The following STXBP4 variants were observed in gnomAD, a reference collection of about 807,000 sequenced individuals.
STXBP4 encodes the protein syntaxin binding protein 4, also known as syntaxin-binding protein 4.
STXBP4 carries 55 observed loss-of-function variants against 76.1 expected under a neutral mutation model. The ratio of observed to expected loss-of-function variants is 0.72; its 90% confidence interval spans 0.58 to 0.91. STXBP4 has a LOEUF of 0.91. Among genes scored for constraint, STXBP4 ranks in the 40% least tolerant of loss-of-function variants. The pLI is 0.00. For missense variants in STXBP4, 618 were observed against 636.9 expected, an observed-to-expected ratio of 0.97 and a Z score of 0.32; for synonymous variants, 201 against 220.2, an observed-to-expected ratio of 0.91 and a Z score of 0.77.
chr17:55,038,817 T>C (rs1367202307), intron 10 of STXBP4, among the ~76,000 whole-genome samples: 2 of 152,088 alleles, frequency 1.3e-5, no homozygotes, highest in African/African-American at 4.8e-5. Context: ...TTCCCTAAAA[T>C]AGATTTTTCA....
intron 12 of STXBP4, among the ~76,000 whole-genome samples, chr17:55,048,957 T>C (rs2078825516): frequency 6.6e-6 from 1 of 151,970 alleles, no homozygotes; most frequent in African/African-American, 2.4e-5. Flanking sequence ...CAATATATTC[T>C]AGTAAAATTA....
Position 55,072,958 on chromosome 17 carries a change from A to G in STXBP4, c.1070A>G (p.Glu357Gly), listed in dbSNP as rs1269025737. 3.1e-6 allele frequency: 5 copies of G among 1,613,856 alleles called. No individual in the cohort carries two copies. The highest frequency in any genetic ancestry group is 4.2e-6 in the Non-Finnish European group (5 of 1,179,926). Residue 357 changes from glutamate to glycine, a missense_variant, in exon 13 of 18, where the codon GAA becomes GGA. Coordinates refer to ENST00000376352, the MANE Select transcript of STXBP4 (RefSeq NM_178509.6). ...RALRSRIHLA[E>G]AAQRQAHGME... ...CTGCGTAGTCGGATTCATCTTGCTG[A>G]AGCTGCTCAGAGACAGGCACATGGA...
Position 55,043,310 on chromosome 17 carries a change from A to T in STXBP4, c.930A>T (p.Glu310Asp), listed in dbSNP as rs966651982. ...LKCERDDALK[E>D]VNTLKEKLLE... The stretch of plus-strand genomic sequence containing the variant: ...GTGAAAGAGATGATGCCTTGAAAGA[A>T]GTAAATACACTTAAGGTAACCTCTA... The change falls in exon 11 of 18, where the codon GAA (glutamate) becomes GAT (aspartate). Residue 310 changes from glutamate to aspartate, a missense_variant. Transcript: ENST00000376352. The T allele has an allele frequency of 1.6e-5, 25 of 1,519,102 alleles. No individual in the cohort carries two copies. The East Asian group carries it at 6.0e-4, about 36-fold the overall frequency. The allele number at this position is 1,519,102 out of a possible 1,614,324, so 94.1% of individuals were successfully genotyped here.
intron 1 of STXBP4, among the ~76,000 whole-genome samples, chr17:54,971,392 G>C (rs1043122380): frequency 1.6e-4 from 25 of 152,192 alleles, no homozygotes; most frequent in African/African-American, 6.0e-4. Context: ...TCACTTCCTG[G>C]TGAGGGGTCT....
chr17:55,043,691 A>G (rs939130717), intron 11 of STXBP4: 54 of 1,527,426 alleles, frequency 3.5e-5, no homozygotes, highest in Non-Finnish European at 3.9e-5. Flanking sequence ...TGGGAAATAC[A>G]TTTTTTTTCA....
At chr17:55,090,851 G>GTC (rs1411493631) in intron 16 of STXBP4, among the ~76,000 whole-genome samples, 136 of 7,044 alleles carry the variant, frequency 0.019, 1 homozygote, top group Middle Eastern at 0.14. Flanking sequence ...GTGTGTGTGT[G>GTC]TGTCTGTGTG....
At chr17:55,185,655 G>A in the STXBP4 span, among the ~76,000 whole-genome samples, 288 of 152,222 alleles carry the variant, frequency 1.9e-3, 1 homozygote, top group African/African-American at 5.7e-3. Context: ...GTCAAAGACC[G>A]GAGTGGAGAG....
the STXBP4 span, among the ~76,000 whole-genome samples, chr17:55,197,469 C>T: frequency 1.5e-4 from 23 of 152,262 alleles, no homozygotes; most frequent in South Asian, 2.1e-4. Flanking sequence ...AGTGGCCAGG[C>T]GCTGTGGCTC....
rs1341558157 is a variant in STXBP4, at chr17:55,172,159, T to A, written c.*12248T>A. On this transcript the variant is annotated 3_prime_UTR_variant, in exon 18 of 18. Transcript: ENST00000376352. ...ATCTGGGTTAGTAGTAAGAACAAAC[T>A]TCCAAGTGGCACCATCTTAAAGGTG... The A allele has an allele frequency of 6.6e-6, 1 of 152,200 alleles. No individual in the cohort carries two copies. Among genetic ancestry groups the A allele is most frequent in the African/African-American group, 2.4e-5 (1 of 41,440 alleles). The allele number at this position is 152,200 out of a possible 1,614,324, so 9.4% of individuals were successfully genotyped here.
At chr17:55,206,197 A>G in the STXBP4 span, among the ~76,000 whole-genome samples, 2 of 152,028 alleles carry the variant, frequency 1.3e-5, no homozygotes, top group African/African-American at 4.8e-5. Flanking sequence ...ACATATATAT[A>G]TTGTGTATGT....
intron 10 of STXBP4, among the ~76,000 whole-genome samples, chr17:55,037,865 A>T (rs1020096097): frequency 6.6e-6 from 1 of 152,200 alleles, no homozygotes; most frequent in African/African-American, 2.4e-5. Flanking sequence ...AAACATTATA[A>T]AAATCACAAT....
At chr17:54,980,376 G>C (rs1401669148) in intron 1 of STXBP4, among the ~76,000 whole-genome samples, 2 of 152,174 alleles carry the variant, frequency 1.3e-5, no homozygotes, top group Non-Finnish European at 2.9e-5. Flanking sequence ...GCAGGGTCTT[G>C]ACTACAAGTC....
rs554497500 is a variant in STXBP4, at chr17:55,095,035, A to T, written c.1489+13852A>T. On this transcript the variant is annotated intron_variant, in intron 16 of 17. Coordinates refer to ENST00000376352, the MANE Select transcript of STXBP4 (RefSeq NM_178509.6). The stretch of plus-strand genomic sequence containing the variant: ...ATGAAGGCACAGCTAGACAAGCAAG[A>T]CTTAATTCTCACTACAGGCAGGAAT... Among the ~76,000 whole-genome samples the T allele has an allele frequency of 2.0e-5, 3 of 152,312 alleles. No individual in the cohort carries two copies. The East Asian group carries it at 5.8e-4, about 29-fold the overall frequency.
the STXBP4 span, among the ~76,000 whole-genome samples, chr17:55,185,133 G>C: frequency 6.6e-6 from 1 of 151,836 alleles, no homozygotes; most frequent in Non-Finnish European, 1.5e-5. Flanking sequence ...GGCCTCCCAA[G>C]GTGCTGGAAT....
At chr17:55,078,313 C>T in intron 14 of STXBP4, 119 bp downstream of exon 14, 1 of 664,848 alleles carries the variant, frequency 1.5e-6, no homozygotes, top group Non-Finnish European at 2.6e-6. Flanking sequence ...AGCAGCAATG[C>T]TGGCTTATGG....
At chr17:54,990,009 C>G (rs1454728353) in intron 3 of STXBP4, among the ~76,000 whole-genome samples, 1 of 152,180 alleles carries the variant, frequency 6.6e-6, no homozygotes, top group African/African-American at 2.4e-5. Context: ...TTCAAGTAGT[C>G]TAATAACCAG....
chr17:55,035,711 C>A (rs911899386), intron 10 of STXBP4, among the ~76,000 whole-genome samples: 5 of 151,672 alleles, frequency 3.3e-5, no homozygotes, highest in Admixed American at 2.6e-4. Flanking sequence ...AAATATAAAT[C>A]TGTATTTTAA....
chr17:55,060,408 T>G (rs2078981235), intron 12 of STXBP4, among the ~76,000 whole-genome samples: 1 of 152,136 alleles, frequency 6.6e-6, no homozygotes, highest in Admixed American at 6.6e-5. Flanking sequence ...CTTAAAAATT[T>G]TTAAAAACTA....
At chr17:55,012,212 G>C (rs770937319) in intron 8 of STXBP4, among the ~76,000 whole-genome samples, 12 of 152,150 alleles carry the variant, frequency 7.9e-5, no homozygotes, top group Non-Finnish European at 1.6e-4. Flanking sequence ...CTTTCCATTG[G>C]TTAGCTGCAG....
Sources: gnomAD v4.1 joint callset for allele counts (sites outside exome capture counted in the v4.1 genomes callset) on GRCh38, gnomAD v4.1.1 for gene constraint, MANE v1.5 for transcripts, NCBI Gene and HGNC (gene_info 2026-07-23, HGNC 2026-07-21) for gene names.